Variants in IL1RAPL1 observed in about 807,000 individuals in gnomAD.
IL1RAPL1 encodes interleukin-1 receptor accessory protein-like 1.
In IL1RAPL1, 3 loss-of-function variants were observed where a neutral mutation model predicts 48.4. The observed-to-expected ratio is 0.06, with a 90% CI of 0.03 to 0.16. IL1RAPL1 has a LOEUF of 0.16. Ranked by LOEUF, IL1RAPL1 falls within the 10% of genes least tolerant of loss-of-function variation. IL1RAPL1 has a pLI of 1.00. For synonymous variants in IL1RAPL1, 185 were observed against 187.7 expected, an observed-to-expected ratio of 0.99 and a Z score of 0.12; for missense variants, 349 against 530.6, an observed-to-expected ratio of 0.66 and a Z score of 3.36.
intron 5 of IL1RAPL1, among the ~76,000 whole-genome samples, chrX:29,444,875 G>C (rs777345699): frequency 1.8e-5 from 2 of 111,802 alleles, no homozygotes; most frequent in African/African-American, 3.3e-5. Context: ...TGGTTTTGTA[G>C]TACAGACAAA....
intron 2 of IL1RAPL1, among the ~76,000 whole-genome samples, chrX:29,124,971 A>G (rs185478345): frequency 5.3e-5 from 6 of 112,237 alleles, no homozygotes; most frequent in African/African-American, 1.9e-4. Context: ...ATTAACGACT[A>G]ATGTCATATA....
At chrX:29,135,812 A>G (rs184423482) in intron 2 of IL1RAPL1, among the ~76,000 whole-genome samples, 1 of 111,856 alleles carries the variant, frequency 8.9e-6, no homozygotes, top group Admixed American at 9.5e-5. Flanking sequence ...TTGGCTCACT[A>G]CAACTTCCAT....
chrX:28,719,584 G>A (rs1935545632), intron 1 of IL1RAPL1, among the ~76,000 whole-genome samples: 3 of 110,398 alleles, frequency 2.7e-5, no homozygotes, highest in African/African-American at 6.6e-5. Context: ...AAATGGTCCT[G>A]AAGAAATCTG....
intron 2 of IL1RAPL1, among the ~76,000 whole-genome samples, chrX:29,195,546 C>T (rs1157917703): frequency 2.0e-5 from 2 of 100,681 alleles, no homozygotes; most frequent in African/African-American, 7.2e-5. Flanking sequence ...GTTCATTTAT[C>T]TAACTAATTA....
intron 5 of IL1RAPL1, among the ~76,000 whole-genome samples, chrX:29,483,267 C>T (rs1030976914): frequency 4.5e-5 from 5 of 111,782 alleles, no homozygotes; most frequent in Admixed American, 3.8e-4. Context: ...GCCTCTTGAT[C>T]TCAGAATGGA....
intron 1 of IL1RAPL1, among the ~76,000 whole-genome samples, chrX:28,772,398 A>G (rs954325328): frequency 6.3e-5 from 7 of 111,322 alleles, no homozygotes; most frequent in African/African-American, 2.3e-4. Context: ...CTACTACTGG[A>G]GTTTAAAATT....
chrX:29,206,246 T>C (rs1930663482), intron 2 of IL1RAPL1, among the ~76,000 whole-genome samples: 1 of 111,558 alleles, frequency 9.0e-6, no homozygotes, highest in South Asian at 3.7e-4. Context: ...TTTGTGTATG[T>C]ATAGGATAAT....
At position 29,717,975 on chromosome X, in the gene IL1RAPL1, G is replaced by A. The variant is rs1248683851; in HGVS notation, c.778+49471G>A. Among the ~76,000 whole-genome samples the A allele has an allele frequency of 2.7e-5, 3 of 111,841 alleles. No homozygotes were observed. The South Asian group carries it at 1.1e-3, about 41-fold the overall frequency. On this transcript the variant is annotated intron_variant, in intron 6 of 10. Coordinates refer to ENST00000378993, the MANE Select transcript of IL1RAPL1 (RefSeq NM_014271.4). ...GTACTGGAACTTTGGGAAATACCAA[G>A]CTAGTTATTTGACTCTCCAATATTC... is the stretch of plus-strand genomic sequence containing the variant.
chrX:29,475,975 G>T (rs1934969403), intron 5 of IL1RAPL1, among the ~76,000 whole-genome samples: 1 of 111,533 alleles, frequency 9.0e-6, no homozygotes, highest in Admixed American at 9.5e-5. Context: ...GAGAATTAAA[G>T]GATGGATTTT....
chrX:28,751,010 T>A (rs747922387), intron 1 of IL1RAPL1, among the ~76,000 whole-genome samples: 1 of 112,252 alleles, frequency 8.9e-6, no homozygotes, highest in East Asian at 2.8e-4. Flanking sequence ...ACGCTGGCTG[T>A]AGACTTTAAT....
chrX:28,860,738 A>G lies in IL1RAPL1; in HGVS notation c.82+71313A>G, dbSNP rs367782049. On this transcript the variant is annotated intron_variant, in intron 2 of 10. Coordinates refer to ENST00000378993, the MANE Select transcript of IL1RAPL1 (RefSeq NM_014271.4). ...TAGCCTCCCAAAGTGCTGGGATTAC[A>G]TGCATGAGCCACCGCACTGCGCCTG... is the stretch of plus-strand genomic sequence containing the variant. Among the ~76,000 whole-genome samples the G allele has an allele frequency of 1.5e-4, 17 of 111,224 alleles. No homozygotes were observed. The East Asian group carries it at 3.7e-3, about 24-fold the overall frequency.
intron 1 of IL1RAPL1, among the ~76,000 whole-genome samples, chrX:28,647,241 C>T (rs1446723656): frequency 8.9e-6 from 1 of 111,794 alleles, no homozygotes; most frequent in Non-Finnish European, 1.9e-5. Flanking sequence ...TTCCCTAAAC[C>T]TCTACCTACA....
At chrX:28,796,955 A>T (rs1936619807) in intron 2 of IL1RAPL1, among the ~76,000 whole-genome samples, 1 of 112,405 alleles carries the variant, frequency 8.9e-6, no homozygotes, top group Admixed American at 9.4e-5. Context: ...TCTGAAATCT[A>T]GGTGGAGGTC....
intron 2 of IL1RAPL1, among the ~76,000 whole-genome samples, chrX:29,060,861 ATAG>A (rs1569228762): frequency 1.8e-5 from 2 of 112,168 alleles, no homozygotes; most frequent in East Asian, 2.8e-4. Flanking sequence ...AATTATTTTG[ATAG>A]TAGTTATTTA....
intron 3 of IL1RAPL1, among the ~76,000 whole-genome samples, chrX:29,290,235 C>T (rs184248553): frequency 8.0e-4 from 89 of 111,518 alleles, no homozygotes; most frequent in African/African-American, 2.9e-3. Context: ...TAGAGTAGCC[C>T]CGTTCCTCTT....
chrX:28,961,546 G>T (rs1924778457), intron 2 of IL1RAPL1, among the ~76,000 whole-genome samples: 1 of 111,041 alleles, frequency 9.0e-6, no homozygotes, highest in Admixed American at 9.6e-5. Context: ...TCCCTTCCCT[G>T]TGTCCATGTG....
At chrX:29,550,004 G>C (rs1394323275) in intron 5 of IL1RAPL1, among the ~76,000 whole-genome samples, 1 of 111,321 alleles carries the variant, frequency 9.0e-6, no homozygotes, top group Non-Finnish European at 1.9e-5. Flanking sequence ...CTCTTAAAGA[G>C]TGGGAGAAAT....
At chrX:29,592,446 A>T (rs958034812) in intron 5 of IL1RAPL1, among the ~76,000 whole-genome samples, 2 of 111,365 alleles carry the variant, frequency 1.8e-5, no homozygotes, top group Admixed American at 9.6e-5. Flanking sequence ...CACATGTCAC[A>T]GGAAGAATCA....
In IL1RAPL1 at chrX:29,026,408, C is replaced by T. The variant is rs747551498; in HGVS notation, c.82+236983C>T. On this transcript the variant is annotated intron_variant, in intron 2 of 10. Transcript: ENST00000378993. ...AAATGTAGTTATTCACACACCAGGG[C>T]CAGTTGGGTGGTGGGGGGTGAGGGG... Among the ~76,000 whole-genome samples, 14 of 110,690 alleles carry T rather than the reference C, an allele frequency of 1.3e-4. No homozygotes were observed. The South Asian group carries it at 5.4e-3, about 43-fold the overall frequency.
Sources: allele counts gnomAD v4.1 joint callset (sites outside exome capture counted in the v4.1 genomes callset), GRCh38; gene constraint gnomAD v4.1.1; transcripts MANE v1.5; gene names NCBI Gene and HGNC (gene_info 2026-07-23, HGNC 2026-07-21).